Variants in RPF1 observed in about 807,000 individuals in gnomAD.
RPF1 encodes the protein ribosome production factor 1 homolog.
A neutral mutation model predicts 41.9 loss-of-function variants in RPF1; 34 were observed. The ratio of observed to expected loss-of-function variants is 0.81; its 90% CI spans 0.62 to 1.08. The LOEUF is 1.08. Ranked by LOEUF, RPF1 falls within the 50% of genes least tolerant of loss-of-function variation. RPF1 has a pLI of 0.00. For missense variants in RPF1, 425 were observed against 435.2 expected, an observed-to-expected ratio of 0.98 and a Z score of 0.21; for synonymous variants, 140 against 148.9, an observed-to-expected ratio of 0.94 and a Z score of 0.43.
chr1:84,494,227 C>A (rs1382482967), intron 5 of RPF1, among the ~76,000 whole-genome samples: 1 of 152,060 alleles, frequency 6.6e-6, no homozygotes, highest in East Asian at 1.9e-4. Flanking sequence ...GAGGACCTCA[C>A]TAAGACAGTA....
At chr1:84,488,625 C>T (rs775105218) in intron 3 of RPF1, among the ~76,000 whole-genome samples, 4 of 152,004 alleles carry the variant, frequency 2.6e-5, no homozygotes, top group Non-Finnish European at 4.4e-5. Flanking sequence ...ATCTTTGCCA[C>T]GTTCCTGATT....
Position 84,497,489 on chromosome 1 carries a change from T to C in RPF1, c.*19T>C, listed in dbSNP as rs371334352. On this transcript the variant is annotated 3_prime_UTR_variant, in exon 9 of 9. Transcript: ENST00000370654. ...TTTATAAAGTACTGAGAGAATGATATTGGATTTTGCTGAACAGGCCTATCT... is the reference window on the plus strand; with the variant it reads ...TTTATAAAGTACTGAGAGAATGATACTGGATTTTGCTGAACAGGCCTATCT... The C allele has an allele frequency of 3.5e-5, 56 of 1,590,058 alleles. No individual in the cohort carries two copies. The highest frequency in any genetic ancestry group is 1.9e-4 in the African/African-American group (14 of 74,132).
intron 3 of RPF1, among the ~76,000 whole-genome samples, chr1:84,488,300 A>G (rs1022007500): frequency 1.3e-5 from 2 of 152,086 alleles, no homozygotes; most frequent in South Asian, 4.1e-4. Flanking sequence ...AATTCTCTTC[A>G]TGGAAGTTGA....
At chr1:84,497,359 G>A (rs2101888990) in intron 8 of RPF1, 70 bp from the exon 9 acceptor site, 2 of 1,346,196 alleles carry the variant, frequency 1.5e-6, no homozygotes, top group South Asian at 1.2e-5. Context: ...AACTTTTACT[G>A]TCTTACCTGA....
At chr1:84,489,392 G>T (rs1681792830) in intron 3 of RPF1, among the ~76,000 whole-genome samples, 1 of 152,048 alleles carries the variant, frequency 6.6e-6, no homozygotes, top group Admixed American at 6.6e-5. Flanking sequence ...ACACATCTCA[G>T]TTTCTGCCCT....
chr1:84,489,499 C>G lies in RPF1; in HGVS notation c.367-134C>G, dbSNP rs1288262387. 4.9e-6 allele frequency: 3 copies of G among 614,810 alleles called. No homozygotes were observed. The Admixed American group carries it at 8.3e-5, about 17-fold the overall frequency. The allele number at this position is 614,810 out of a possible 1,614,324, so 38.1% of individuals were successfully genotyped here. A position where few individuals can be genotyped will look rare whatever the true frequency, so the allele number is the denominator to read the frequency against. Reference sequence around the variant, plus strand: ...TCTTCACGTGTCCATTAATGTCAGTCCTTCCTAGTCTGTCTTTAAAGCCCC... The same window carrying G: ...TCTTCACGTGTCCATTAATGTCAGTGCTTCCTAGTCTGTCTTTAAAGCCCC... On this transcript the variant is annotated intron_variant, in intron 3 of 8. Coordinates refer to ENST00000370654, the MANE Select transcript of RPF1 (RefSeq NM_025065.7).
intron 2 of RPF1, 114 bp downstream of exon 2, chr1:84,481,126 A>G: frequency 3.3e-6 from 2 of 602,552 alleles, no homozygotes; most frequent in Non-Finnish European, 2.9e-6. Flanking sequence ...AGATGTATGA[A>G]GAAATACAAA....
chr1:84,489,593 A>G lies in RPF1; in HGVS notation c.367-40A>G, dbSNP rs751731623. The G allele has an allele frequency of 1.9e-4, 217 of 1,119,854 alleles. No homozygotes were observed. The East Asian group carries it at 5.1e-3, about 26-fold the overall frequency. The allele number at this position is 1,119,854 out of a possible 1,614,324, so 69.4% of individuals were successfully genotyped here. On this transcript the variant is annotated intron_variant, in intron 3 of 8. Transcript: ENST00000370654. ...TTTTAGAATTCTGGCCCAGTAGAGT[A>G]TTTCTTTGATGTAAAATTATTCCTC... is the stretch of plus-strand genomic sequence containing the variant.
chr1:84,490,046 T>C (rs1408518564), intron 4 of RPF1, among the ~76,000 whole-genome samples: 1 of 152,150 alleles, frequency 6.6e-6, no homozygotes, highest in Non-Finnish European at 1.5e-5. Context: ...CACACACCAC[T>C]ACCACTACCA....
At chr1:84,494,942 CAAATGTATAA>C in intron 5 of RPF1, among the ~76,000 whole-genome samples, 1 of 152,128 alleles carries the variant, frequency 6.6e-6, no homozygotes, top group East Asian at 1.9e-4. Context: ...CGTGACCATA[CAAATGTATAA>C]AAGTGACATT....
chr1:84,490,394 C>G lies in RPF1; in HGVS notation c.538C>G (p.Leu180Val). ...TGTTTATTACAGAAGAGGACTGGCT[C>G]TGAAAAAAATTATTCCACAGTGCAT... Reference protein sequence around the residue: ...SHVYYRRGLALKKIIPQCIAR... With the variant: ...SHVYYRRGLAVKKIIPQCIAR... Residue 180 changes from leucine (L) to valine (V), a missense_variant, in exon 5 of 9, where the codon CTG (leucine) becomes GTG (valine). Leu to Val is a conservative substitution (Grantham distance 32, BLOSUM62 1). Coordinates refer to ENST00000370654, the MANE Select transcript of RPF1 (RefSeq NM_025065.7). 1.2e-6 allele frequency: 2 copies of G among 1,611,952 alleles called. No individual in the cohort carries two copies. Among genetic ancestry groups the G allele is most frequent in the Admixed American group, 1.7e-5 (1 of 59,820 alleles).
intron 5 of RPF1, among the ~76,000 whole-genome samples, chr1:84,491,801 G>C (rs1398667193): frequency 6.6e-6 from 1 of 152,138 alleles, no homozygotes; most frequent in Non-Finnish European, 1.5e-5. Context: ...TTCTATCCCT[G>C]TTTTATCCAG....
chr1:84,491,152 C>G (rs1240439243), intron 5 of RPF1, among the ~76,000 whole-genome samples: 1 of 152,040 alleles, frequency 6.6e-6, no homozygotes, highest in Non-Finnish European at 1.5e-5. Context: ...TCACCTGAAC[C>G]CAAGGTATTT....
At chr1:84,489,602 A>G (rs754959394) in intron 3 of RPF1, 31 bp from the exon 4 acceptor site, 1 of 1,215,080 alleles carries the variant, frequency 8.2e-7, no homozygotes, top group Non-Finnish European at 1.2e-6. Flanking sequence ...TATTTCTTTG[A>G]TGTAAAATTA....
rs1353052524 is a variant in RPF1, at chr1:84,498,215, T to C, written c.*745T>C. 6.6e-6 allele frequency: 1 copy of C among 152,532 alleles called. No individual in the cohort carries two copies. Among genetic ancestry groups the C allele is most frequent in the Non-Finnish European group, 1.5e-5 (1 of 68,040 alleles). The allele number at this position is 152,532 out of a possible 1,614,324, so 9.4% of individuals were successfully genotyped here. A position where few individuals can be genotyped will look rare whatever the true frequency, so the allele number is the denominator to read the frequency against. On this transcript the variant is annotated 3_prime_UTR_variant, in exon 9 of 9. Transcript: ENST00000370654. ...TAGCAGTCTTGCCAGATGTATGGCA[T>C]AAAGTCATGTGAGAAGAGTAGGTGG...
chr1:84,483,123 C>A, intron 3 of RPF1, 128 bp downstream of exon 3: 2 of 541,808 alleles, frequency 3.7e-6, no homozygotes, highest in Non-Finnish European at 3.4e-6. Context: ...AAAATGTTGG[C>A]ATATTATCTT....
In RPF1 at chr1:84,496,314, T is replaced by C. The variant is rs759783846; in HGVS notation, c.952T>C (p.Ser318Pro). The C allele has an allele frequency of 7.4e-6, 12 of 1,612,990 alleles. No individual in the cohort carries two copies. Among genetic ancestry groups the C allele is most frequent in the Non-Finnish European group, 1.0e-5 (12 of 1,179,242 alleles). Residue 318 changes from serine to proline, a missense_variant, in exon 8 of 9, where the codon TCT becomes CCT. Transcript: ENST00000370654. ...LGPRFTLKLRSLQKGTFDSKY... is the reference protein window; with the variant it reads ...LGPRFTLKLRPLQKGTFDSKY... ...ACCACGTTTTACCTTAAAATTAAGGTCTCTTCAGAAAGGAACCTTTGATTC... is the reference window on the plus strand; with the variant it reads ...ACCACGTTTTACCTTAAAATTAAGGCCTCTTCAGAAAGGAACCTTTGATTC...
At chr1:84,487,850 C>A (rs1289412153) in intron 3 of RPF1, among the ~76,000 whole-genome samples, 1 of 152,072 alleles carries the variant, frequency 6.6e-6, no homozygotes, top group Non-Finnish European at 1.5e-5. Flanking sequence ...TGTACTCTTA[C>A]AATTCTGTGT....
intron 3 of RPF1, among the ~76,000 whole-genome samples, chr1:84,488,139 A>C (rs1432881446): frequency 6.6e-6 from 1 of 152,044 alleles, no homozygotes; most frequent in Non-Finnish European, 1.5e-5. Context: ...CCCTCTCTTC[A>C]GATGTGTTTT....
Sources: gnomAD v4.1 joint callset for allele counts (sites outside exome capture counted in the v4.1 genomes callset) on GRCh38, gnomAD v4.1.1 for gene constraint, MANE v1.5 for transcripts, NCBI Gene and HGNC (gene_info 2026-07-23, HGNC 2026-07-21) for gene names.